The following ARHGAP10 variants were observed in gnomAD, a reference collection of about 807,000 sequenced individuals.
ARHGAP10 encodes the protein rho GTPase-activating protein 10.
Under a neutral mutation model 108.6 loss-of-function variants are expected in ARHGAP10, and 87 were observed. The ratio of observed to expected loss-of-function variants is 0.80; its 90% CI spans 0.67 to 0.96. The LOEUF (loss-of-function observed/expected upper bound fraction) is 0.96, where lower values mean the gene tolerates loss of function less well. Among genes scored for constraint, ARHGAP10 ranks in the 40% least tolerant of loss-of-function variants. ARHGAP10 has a pLI of 0.00. For missense variants in ARHGAP10, 939 were observed against 954.5 expected (o/e 0.98, Z 0.21); for synonymous variants, 347 against 341.1 (o/e 1.02, Z -0.19).
At chr4:147,925,849 A>G (rs1053788671) in intron 13 of ARHGAP10, among the ~76,000 whole-genome samples, 4 of 152,212 alleles carry the variant, frequency 2.6e-5, no homozygotes, top group East Asian at 1.9e-4. Flanking sequence ...GGGCACTGCA[A>G]AGATGGCCAG....
intron 15 of ARHGAP10, among the ~76,000 whole-genome samples, chr4:147,948,493 A>C (rs1738472252): frequency 6.6e-6 from 1 of 151,936 alleles, no homozygotes; most frequent in African/African-American, 2.4e-5. Flanking sequence ...TAATCTCTAC[A>C]TTTCCTCCCT....
chr4:147,762,377 T>C (rs1167053669), intron 1 of ARHGAP10, among the ~76,000 whole-genome samples: 3 of 152,134 alleles, frequency 2.0e-5, no homozygotes, highest in Non-Finnish European at 4.4e-5. Flanking sequence ...TTATACTCTT[T>C]AGCATTGGTA....
chr4:147,859,844 G>A (rs1051164902), intron 5 of ARHGAP10, among the ~76,000 whole-genome samples: 2 of 152,176 alleles, frequency 1.3e-5, no homozygotes, highest in East Asian at 1.9e-4. Flanking sequence ...AGATCCTAAC[G>A]ATGAATAATT....
At chr4:147,928,777 A>T (rs1199410161) in intron 13 of ARHGAP10, among the ~76,000 whole-genome samples, 2 of 152,230 alleles carry the variant, frequency 1.3e-5, no homozygotes, top group Admixed American at 6.5e-5. Flanking sequence ...TAGGACATTT[A>T]TATGTATCGT....
At chr4:147,940,907 C>A (rs1738143897) in intron 14 of ARHGAP10, among the ~76,000 whole-genome samples, 1 of 152,146 alleles carries the variant, frequency 6.6e-6, no homozygotes, top group South Asian at 2.1e-4. Flanking sequence ...AGTTGGAGAG[C>A]CTTATTAGAA....
intron 1 of ARHGAP10, among the ~76,000 whole-genome samples, chr4:147,746,053 G>A (rs566756368): frequency 6.6e-6 from 1 of 152,234 alleles, no homozygotes; most frequent in South Asian, 2.1e-4. Context: ...CTCCCAAAGT[G>A]CTGGGATTAC....
intron 18 of ARHGAP10, among the ~76,000 whole-genome samples, chr4:147,990,727 A>G (rs1740239413): frequency 6.6e-6 from 1 of 152,202 alleles, no homozygotes. Flanking sequence ...AACATTGAGT[A>G]CATAGGGACA....
chr4:148,028,572 T>C (rs1490295478), intron 19 of ARHGAP10, among the ~76,000 whole-genome samples: 1 of 152,198 alleles, frequency 6.6e-6, no homozygotes, highest in East Asian at 1.9e-4. Context: ...AGGGTAGTAT[T>C]CTTAAAGCCA....
chr4:147,875,554 CAT>C (rs1447708942), intron 8 of ARHGAP10, among the ~76,000 whole-genome samples: 2 of 152,196 alleles, frequency 1.3e-5, no homozygotes, highest in Non-Finnish European at 2.9e-5. Context: ...CACATTCATT[CAT>C]ACACACGTAT....
At chr4:147,867,131 AT>A (rs1233505490) in intron 7 of ARHGAP10, among the ~76,000 whole-genome samples, 1 of 152,200 alleles carries the variant, frequency 6.6e-6, no homozygotes, top group African/African-American at 2.4e-5. Flanking sequence ...AAGGCATTGA[AT>A]TTATAATGCA....
chr4:148,018,832 G>A (rs927428977), intron 18 of ARHGAP10, among the ~76,000 whole-genome samples: 6 of 152,150 alleles, frequency 3.9e-5, no homozygotes, highest in African/African-American at 1.4e-4. Context: ...AACTTCAGAT[G>A]CCAACTCTAC....
intron 1 of ARHGAP10, among the ~76,000 whole-genome samples, chr4:147,735,094 T>G (rs1457041170): frequency 1.3e-5 from 2 of 152,198 alleles, no homozygotes; most frequent in Admixed American, 1.3e-4. Context: ...CTATGCGACC[T>G]GAAGGCTTAC....
Position 147,738,289 on chromosome 4 carries a change from C to T in ARHGAP10, c.154+5834C>T, listed in dbSNP as rs561414902. 5.3e-5 allele frequency among the ~76,000 whole-genome samples: 8 copies of T among 152,252 alleles called. No individual in the cohort carries two copies. The South Asian group carries it at 1.7e-3, about 32-fold the overall frequency. ...TTGTAGGGCTGGGCGCGGTGGCTCA[C>T]GGCTATAATCCCAGCACTTTGGGAG... On this transcript the variant is annotated intron_variant, in intron 1 of 22. Transcript: ENST00000336498.
At chr4:148,062,751 T>C (rs1729676472) in intron 20 of ARHGAP10, among the ~76,000 whole-genome samples, 1 of 152,180 alleles carries the variant, frequency 6.6e-6, no homozygotes, top group African/African-American at 2.4e-5. Flanking sequence ...GTTTAGCTGA[T>C]CTTTTGCAGC....
intron 1 of ARHGAP10, among the ~76,000 whole-genome samples, chr4:147,762,514 ATTTATT>A (rs1360725493): frequency 6.7e-6 from 1 of 149,906 alleles, no homozygotes; most frequent in Non-Finnish European, 1.5e-5. Context: ...TTATTTATTT[ATTTATT>A]TTTATTTATT....
intron 17 of ARHGAP10, 43 bp from the exon 18 acceptor site, chr4:147,966,637 G>T (rs1372053738): frequency 2.7e-6 from 4 of 1,486,126 alleles, no homozygotes; most frequent in South Asian, 1.4e-5. Context: ...CACAATTTTT[G>T]CTCCTTTGGT....
chr4:147,919,265 G>A (rs1737127450), intron 13 of ARHGAP10, among the ~76,000 whole-genome samples: 1 of 152,062 alleles, frequency 6.6e-6, no homozygotes, highest in Non-Finnish European at 1.5e-5. Flanking sequence ...TATTTTGGTA[G>A]GACTGGCAGT....
At chr4:147,786,282 C>G (rs935262740) in intron 1 of ARHGAP10, among the ~76,000 whole-genome samples, 1 of 152,088 alleles carries the variant, frequency 6.6e-6, no homozygotes, top group Non-Finnish European at 1.5e-5. Flanking sequence ...GAAAACAGAT[C>G]AAATTGTGTC....
chr4:147,837,209 G>C (rs887291584), intron 3 of ARHGAP10, among the ~76,000 whole-genome samples: 2 of 152,154 alleles, frequency 1.3e-5, no homozygotes, highest in Non-Finnish European at 2.9e-5. Context: ...AGGTACCAAA[G>C]GGTGAGTGTG....
Sources: gnomAD v4.1 joint callset for allele counts (sites outside exome capture counted in the v4.1 genomes callset) on GRCh38, gnomAD v4.1.1 for gene constraint, MANE v1.5 for transcripts, NCBI Gene and HGNC (gene_info 2026-07-23, HGNC 2026-07-21) for gene names.